Variants in INPP4B observed in about 807,000 individuals in gnomAD.
INPP4B encodes the protein inositol polyphosphate-4-phosphatase type II B.
In INPP4B, 55 loss-of-function variants were observed where a neutral mutation model predicts 122.5. The observed-to-expected ratio is 0.45, with a 90% confidence interval of 0.36 to 0.56. The LOEUF (loss-of-function observed/expected upper bound fraction) is 0.56. INPP4B is among the 20% of genes least tolerant of loss of function. The probability of loss-of-function intolerance (pLI) is 0.00; values close to 1 mark genes in which losing one functional copy is unlikely to be tolerated. For synonymous variants in INPP4B, 403 were observed against 388.7 expected (o/e 1.04, Z -0.43); for missense variants, 1,000 against 1,097.7 (o/e 0.91, Z 1.26).
chr4:142,188,297 C>T, intron 15 of INPP4B, among the ~76,000 whole-genome samples: 1 of 151,344 alleles, frequency 6.6e-6, no homozygotes, highest in Non-Finnish European at 1.5e-5. Context: ...ACCATCCTGG[C>T]TAACACGGTG....
chr4:142,676,766 G>A (rs1757853474), intron 2 of INPP4B, among the ~76,000 whole-genome samples: 1 of 152,096 alleles, frequency 6.6e-6, no homozygotes, highest in South Asian at 2.1e-4. Context: ...AAGAAATGGT[G>A]TTGGGAAAAC....
intron 7 of INPP4B, among the ~76,000 whole-genome samples, chr4:142,353,846 C>A (rs1782721216): frequency 1.3e-5 from 2 of 151,988 alleles, no homozygotes; most frequent in African/African-American, 4.8e-5. Flanking sequence ...TGACTTTGGG[C>A]AGATCACCCT....
chr4:142,259,811 T>C (rs1246194125), intron 11 of INPP4B, among the ~76,000 whole-genome samples: 6 of 152,136 alleles, frequency 3.9e-5, no homozygotes, highest in Non-Finnish European at 8.8e-5. Flanking sequence ...TAAACATTTT[T>C]GTTAAAAACT....
At chr4:142,611,637 C>CTTTTTTTTTTTTT (rs34482115) in intron 2 of INPP4B, among the ~76,000 whole-genome samples, 5 of 65,236 alleles carry the variant, frequency 7.7e-5, no homozygotes, top group South Asian at 7.6e-4. Context: ...TTTCTTTTTT[C>CTTTTTTTTTTTTT]TTTTTTTTTT....
chr4:142,818,298 A>G (rs1021164782), intron 1 of INPP4B, among the ~76,000 whole-genome samples: 1 of 152,166 alleles, frequency 6.6e-6, no homozygotes, highest in African/African-American at 2.4e-5. Context: ...CTTCATTGAG[A>G]AATGCCTGCT....
At chr4:142,382,664 T>C (rs1351113467) in intron 7 of INPP4B, among the ~76,000 whole-genome samples, 2 of 133,140 alleles carry the variant, frequency 1.5e-5, no homozygotes, top group Non-Finnish European at 3.1e-5. Context: ...TATTTATATA[T>C]ATATTTATAT....
chr4:142,077,621 GACAGCT>G (rs1561038655), intron 25 of INPP4B, among the ~76,000 whole-genome samples: 7 of 151,674 alleles, frequency 4.6e-5, no homozygotes, highest in Admixed American at 3.3e-4. Flanking sequence ...ATTGGGACAA[GACAGCT>G]CTTAGCATTC....
intron 10 of INPP4B, among the ~76,000 whole-genome samples, chr4:142,264,537 T>C (rs1034609392): frequency 2.6e-5 from 4 of 152,218 alleles, no homozygotes; most frequent in African/African-American, 9.6e-5. Context: ...GTGTATATAT[T>C]GAAGTTTGAA....
intron 16 of INPP4B, among the ~76,000 whole-genome samples, chr4:142,163,147 T>C (rs1820958933): frequency 6.6e-6 from 1 of 151,806 alleles, no homozygotes; most frequent in Admixed American, 6.6e-5. Context: ...TGCTTTCCCA[T>C]GGTTTCAGTT....
chr4:142,568,225 A>T (rs542137851), intron 2 of INPP4B, among the ~76,000 whole-genome samples: 1 of 152,034 alleles, frequency 6.6e-6, no homozygotes, highest in African/African-American at 2.4e-5. Flanking sequence ...GATCTTACCA[A>T]GGAAGTTCTT....
intron 12 of INPP4B, among the ~76,000 whole-genome samples, chr4:142,237,232 A>G (rs1857062354): frequency 6.6e-6 from 1 of 152,182 alleles, no homozygotes; most frequent in Non-Finnish European, 1.5e-5. Context: ...GGAGAGTCAA[A>G]TAGGAATTAC....
At chr4:142,541,895 C>T (rs892105556) in intron 2 of INPP4B, among the ~76,000 whole-genome samples, 2 of 152,182 alleles carry the variant, frequency 1.3e-5, no homozygotes, top group East Asian at 1.9e-4. Context: ...GGGACCAGCT[C>T]GTGAAGATCA....
chr4:142,631,747 C>T lies in INPP4B; in HGVS notation c.-191+94092G>A, dbSNP rs921863690. 5.9e-5 allele frequency among the ~76,000 whole-genome samples: 9 copies of T among 152,170 alleles called. No individual in the cohort carries two copies. The South Asian group carries it at 8.3e-4, about 14-fold the overall frequency. ...ATTACTCTGTCAGCTAATCTATCTA[C>T]AGAAAAAAGGAAGCTGAACACGTAA... On this transcript the variant is annotated intron_variant, in intron 2 of 25. Coordinates refer to ENST00000262992, the MANE Select transcript of INPP4B (RefSeq NM_001101669.3).
chr4:142,092,955 G>A (rs6826672), intron 23 of INPP4B, among the ~76,000 whole-genome samples: 39,195 of 152,094 alleles, frequency 0.26, 5,129 homozygotes, highest in East Asian at 0.3. Flanking sequence ...TCCTCAGGTT[G>A]AATCTGGGTG....
intron 2 of INPP4B, among the ~76,000 whole-genome samples, chr4:142,638,120 T>C (rs1281327229): frequency 2.0e-5 from 3 of 152,254 alleles, no homozygotes; most frequent in Admixed American, 2.0e-4. Flanking sequence ...ATTTGTCTTT[T>C]GCAAATATTT....
At chr4:142,068,593 C>A (rs944817524) in intron 25 of INPP4B, among the ~76,000 whole-genome samples, 4 of 152,094 alleles carry the variant, frequency 2.6e-5, no homozygotes, top group Non-Finnish European at 5.9e-5. Flanking sequence ...ACCCATCTCA[C>A]GTGCAGAGAC....
chr4:142,737,866 C>G (rs1347491492), intron 1 of INPP4B, among the ~76,000 whole-genome samples: 2 of 152,192 alleles, frequency 1.3e-5, no homozygotes, highest in Non-Finnish European at 2.9e-5. Context: ...AAATGCTCAT[C>G]ATCACTGGCC....
At chr4:142,138,769 A>T (rs1013871124) in intron 18 of INPP4B, among the ~76,000 whole-genome samples, 1 of 152,118 alleles carries the variant, frequency 6.6e-6, no homozygotes, top group Non-Finnish European at 1.5e-5. Context: ...TCATCAAAGT[A>T]CTTGTCACAT....
chr4:142,412,808 T>C (rs1804885291), intron 5 of INPP4B, among the ~76,000 whole-genome samples: 1 of 152,182 alleles, frequency 6.6e-6, no homozygotes, highest in Admixed American at 6.5e-5. Context: ...GACATTATTC[T>C]TTTTTCTTCT....
Sources: allele counts gnomAD v4.1 joint callset (sites outside exome capture counted in the v4.1 genomes callset), GRCh38; gene constraint gnomAD v4.1.1; transcripts MANE v1.5; gene names NCBI Gene and HGNC (gene_info 2026-07-23, HGNC 2026-07-21).